Variants in MAGI3 observed in about 807,000 individuals in gnomAD.
MAGI3 encodes the protein membrane-associated guanylate kinase, WW and PDZ domain-containing protein 3.
MAGI3 carries 43 observed loss-of-function variants against 121.8 expected under a neutral mutation model. The observed-to-expected ratio is 0.35, with a 90% CI of 0.28 to 0.46. The LOEUF (loss-of-function observed/expected upper bound fraction) is 0.46. Ranked by LOEUF, MAGI3 falls within the 20% of genes least tolerant of loss-of-function variation. The pLI is 1.00. For missense variants in MAGI3, 1,547 were observed against 1,797.3 expected (o/e 0.86, Z 2.52); for synonymous variants, 553 against 639.3 (o/e 0.86, Z 2.04).
rs1016786138 is a variant in MAGI3 at position 113,472,531 on chromosome 1, A to C, written c.317-76984A>C. On this transcript the variant is annotated intron_variant, in intron 1 of 20. Transcript: ENST00000307546. ...AAGTACTTACCATTGCTGTTTTGTT[A>C]ATTTTTTTCTGAATGTTTTGTAGTT... 2.0e-5 allele frequency among the ~76,000 whole-genome samples: 3 copies of C among 151,618 alleles called. No homozygotes were observed. In the East Asian group the frequency reaches 5.8e-4, roughly 29 times the overall value.
chr1:113,580,826 A>T (rs2101719709), intron 3 of MAGI3, 165 bp downstream of exon 3: 1 of 501,034 alleles, frequency 2.0e-6, no homozygotes, highest in South Asian at 4.0e-5. Flanking sequence ...TTTATTAATT[A>T]AAATGGGATT....
rs1455381446 is a variant in MAGI3, at chr1:113,622,798, T to C, written c.1172-8T>C. The C allele has an allele frequency of 1.9e-6, 3 of 1,562,356 alleles. No homozygotes were observed. The South Asian group carries it at 3.8e-5, about 20-fold the overall frequency. On this transcript the variant is annotated splice_polypyrimidine_tract_variant and splice_region_variant and intron_variant, in intron 8 of 20. Transcript: ENST00000307546. ...TTGTTCTCAAACCCACTTCTCATTT[T>C]GGCACAGATATGGAAAAATCACACT...
intron 1 of MAGI3, among the ~76,000 whole-genome samples, chr1:113,416,961 A>G (rs1387613151): frequency 6.6e-6 from 1 of 152,092 alleles, no homozygotes; most frequent in Non-Finnish European, 1.5e-5. Context: ...CTAATATAAT[A>G]TTAAGTAACT....
chr1:113,512,680 G>A (rs1657676947), intron 1 of MAGI3, among the ~76,000 whole-genome samples: 1 of 152,088 alleles, frequency 6.6e-6, no homozygotes, highest in Non-Finnish European at 1.5e-5. Context: ...TACTGAATGG[G>A]CAAAAACTGG....
chr1:113,398,063 C>T (rs1651211432), intron 1 of MAGI3, among the ~76,000 whole-genome samples: 1 of 152,192 alleles, frequency 6.6e-6, no homozygotes, highest in South Asian at 2.1e-4. Context: ...GATGCAGCCA[C>T]TCAGCTGCAT....
At position 113,651,693 on chromosome 1, in the gene MAGI3, A is replaced by G. The variant is rs186071346; in HGVS notation, c.2440+487A>G. Among the ~76,000 whole-genome samples the G allele has an allele frequency of 5.9e-3, 902 of 152,142 alleles. 8 individuals are homozygous for G. Among genetic ancestry groups the G allele is most frequent in the Non-Finnish European group, 0.01 (702 of 67,970 alleles). On this transcript the variant is annotated intron_variant, in intron 14 of 20. Transcript: ENST00000307546. ...TTTAGTAGAGACGGGGTTTCACCAC[A>G]TTGGCCAGGCTGGTCTCGAACTCTT... is the stretch of plus-strand genomic sequence containing the variant.
intron 1 of MAGI3, among the ~76,000 whole-genome samples, chr1:113,440,733 A>G (rs1653870593): frequency 6.6e-6 from 1 of 152,148 alleles, no homozygotes; most frequent in East Asian, 1.9e-4. Context: ...GGTGGTGGTG[A>G]TGATGATGCT....
At position 113,641,926 on chromosome 1, in the gene MAGI3, A is replaced by G; in HGVS notation, c.1376A>G (p.Asp459Gly). ...GKIAPGDVIV[D>G]INGNCVLGHT... ...GTTTTTCCAGGCGATGTTATTGTAG[A>G]CATCAATGGCAACTGTGTCCTCGGT... The change falls in exon 10 of 21, where the codon GAC (aspartate) becomes GGC (glycine). Residue 459 changes from aspartate to glycine, a missense_variant. By Grantham distance (94) the Asp-to-Gly change is moderately conservative (BLOSUM62 -1). Coordinates refer to ENST00000307546, the MANE Select transcript of MAGI3 (RefSeq NM_001142782.2). 1.3e-6 allele frequency: 2 copies of G among 1,582,154 alleles called. No homozygotes were observed. Among genetic ancestry groups the G allele is most frequent in the Admixed American group, 1.7e-5 (1 of 58,800 alleles).
chr1:113,529,314 C>T (rs1658598663), intron 1 of MAGI3, among the ~76,000 whole-genome samples: 1 of 152,176 alleles, frequency 6.6e-6, no homozygotes, highest in Non-Finnish European at 1.5e-5. Context: ...TCTCACAGTT[C>T]TGGAGGCTGG....
At chr1:113,628,264 A>T (rs1272284819) in intron 9 of MAGI3, among the ~76,000 whole-genome samples, 1 of 152,160 alleles carries the variant, frequency 6.6e-6, no homozygotes, top group Non-Finnish European at 1.5e-5. Flanking sequence ...ACAAATTAAC[A>T]CTGATTGTAT....
At chr1:113,449,667 A>G in intron 1 of MAGI3, 1 of 764,724 alleles carries the variant, frequency 1.3e-6, no homozygotes, top group South Asian at 1.4e-5. Flanking sequence ...TCGATATTGA[A>G]CTCGAGTTGG....
At chr1:113,517,734 C>T (rs1328568468) in intron 1 of MAGI3, among the ~76,000 whole-genome samples, 1 of 151,970 alleles carries the variant, frequency 6.6e-6, no homozygotes, top group Non-Finnish European at 1.5e-5. Context: ...AGTCTAGCTT[C>T]AGAGTAAGCA....
At chr1:113,425,634 C>T (rs891223315) in intron 1 of MAGI3, among the ~76,000 whole-genome samples, 3 of 151,994 alleles carry the variant, frequency 2.0e-5, no homozygotes, top group African/African-American at 7.3e-5. Flanking sequence ...TTTTCTTCAT[C>T]TTGGTTGGGT....
chr1:113,446,071 T>G (rs903719575), intron 1 of MAGI3, among the ~76,000 whole-genome samples: 23 of 152,236 alleles, frequency 1.5e-4, no homozygotes, highest in Non-Finnish European at 1.0e-4. Context: ...AGTAATACAT[T>G]AAGAAAAACA....
chr1:113,451,180 A>C (rs963775979), intron 1 of MAGI3, among the ~76,000 whole-genome samples: 2 of 152,184 alleles, frequency 1.3e-5, no homozygotes, highest in Non-Finnish European at 2.9e-5. Flanking sequence ...TATTAGAGGA[A>C]GCTATCCTTA....
In MAGI3 at chr1:113,683,341, C is replaced by T; in HGVS notation, c.3773C>T (p.Pro1258Leu). The T allele has an allele frequency of 1.2e-6, 2 of 1,613,930 alleles. No individual in the cohort carries two copies. Among genetic ancestry groups the T allele is most frequent in the Non-Finnish European group, 1.7e-6 (2 of 1,179,886 alleles). The change falls in exon 21 of 21, where the codon CCC becomes CTC. Residue 1258 changes from proline (P) to leucine (L), a missense_variant. By Grantham distance (98) the Pro-to-Leu change is moderately conservative. Transcript: ENST00000307546. ...AGACCCAGAGATCAATCCCTCAGCC[C>T]CAGCAAAGGGGAAAATAAAAGTTGT... ...KRRPRDQSLS[P>L]SKGENKSCQV...
chr1:113,425,449 A>AT (rs1201296927), intron 1 of MAGI3, among the ~76,000 whole-genome samples: 1 of 151,006 alleles, frequency 6.6e-6, no homozygotes, highest in Non-Finnish European at 1.5e-5. Flanking sequence ...CGCCCGGCTA[A>AT]TTTTTTTGTA....
At chr1:113,618,514 A>G in intron 7 of MAGI3, 1 of 444,324 alleles carries the variant, frequency 2.3e-6, no homozygotes. Context: ...TTTATTTTTT[A>G]TTTTTTTTGC....
intron 2 of MAGI3, among the ~76,000 whole-genome samples, chr1:113,554,482 G>A (rs1264041823): frequency 2.0e-5 from 3 of 151,680 alleles, no homozygotes; most frequent in Non-Finnish European, 4.4e-5. Flanking sequence ...ATGACAATGG[G>A]GAGGGGAGAG....
Sources: gnomAD v4.1 joint callset for allele counts (sites outside exome capture counted in the v4.1 genomes callset) on GRCh38, gnomAD v4.1.1 for gene constraint, MANE v1.5 for transcripts, NCBI Gene and HGNC (gene_info 2026-07-23, HGNC 2026-07-21) for gene names.